WDR27: variants seen among roughly 807,000 people sequenced by gnomAD.
The protein encoded by WDR27 is WD repeat-containing protein 27.
In WDR27, 100 loss-of-function variants were observed where a neutral mutation model predicts 114.4. The ratio of observed to expected loss-of-function variants is 0.87; its 90% CI spans 0.74 to 1.03. WDR27 has a LOEUF of 1.03. Ranked by LOEUF, WDR27 falls within the 50% of genes least tolerant of loss-of-function variation. The pLI is 0.00. For synonymous variants in WDR27, 449 were observed against 423.1 expected (o/e 1.06, Z -0.75); for missense variants, 1,129 against 1,092.9 (o/e 1.03, Z -0.47).
At chr6:169,426,896 G>A in the WDR27 span, 1 of 148,138 alleles carries the variant, frequency 6.8e-6, no homozygotes, top group Non-Finnish European at 1.5e-5. Flanking sequence ...CGAGGGCAGG[G>A]GGCCGACAGA....
At chr6:169,685,572 T>A (rs1782691360) in intron 2 of WDR27, among the ~76,000 whole-genome samples, 1 of 151,994 alleles carries the variant, frequency 6.6e-6, no homozygotes, top group South Asian at 2.1e-4. Context: ...AAAAACATAA[T>A]TGAGAGCTTT....
At chr6:169,587,595 T>C (rs1015151084) in intron 23 of WDR27, among the ~76,000 whole-genome samples, 2 of 152,220 alleles carry the variant, frequency 1.3e-5, no homozygotes, top group Non-Finnish European at 2.9e-5. Context: ...TCCTGTTATC[T>C]TGAACTTTTT....
intron 18 of WDR27, among the ~76,000 whole-genome samples, chr6:169,638,000 C>T (rs1275388495): frequency 6.6e-6 from 1 of 152,212 alleles, no homozygotes; most frequent in Non-Finnish European, 1.5e-5. Context: ...TGTGTGTGAA[C>T]ATATACATGT....
chr6:169,674,817 G>A (rs546215087), intron 2 of WDR27, among the ~76,000 whole-genome samples: 21 of 152,280 alleles, frequency 1.4e-4, no homozygotes, highest in East Asian at 3.9e-4. Context: ...GGGTGCAGGC[G>A]GGCTGAGTCC....
chr6:169,431,828 G>A, the WDR27 span, among the ~76,000 whole-genome samples: 1 of 152,308 alleles, frequency 6.6e-6, no homozygotes, highest in African/African-American at 2.4e-5. Flanking sequence ...TAGAATTAAA[G>A]TAAAAGATTG....
intron 16 of WDR27, among the ~76,000 whole-genome samples, chr6:169,645,345 T>G (rs1198201032): frequency 6.6e-6 from 1 of 151,894 alleles, no homozygotes; most frequent in East Asian, 1.9e-4. Context: ...TAGAAATTCC[T>G]AGTTCACACG....
At chr6:169,551,914 T>TGA (rs1282790690) in intron 25 of WDR27, among the ~76,000 whole-genome samples, 1 of 152,210 alleles carries the variant, frequency 6.6e-6, no homozygotes, top group East Asian at 1.9e-4. Context: ...GCCTGCGTAC[T>TGA]GATAAAACTT....
the WDR27 span, among the ~76,000 whole-genome samples, chr6:169,448,906 G>C: frequency 2.0e-5 from 3 of 152,146 alleles, no homozygotes; most frequent in Non-Finnish European, 4.4e-5. Flanking sequence ...ACATTATCAC[G>C]GCAAGAGTGC....
At chr6:169,666,861 G>A (rs1323581138) in intron 6 of WDR27, 8 of 985,338 alleles carry the variant, frequency 8.1e-6, no homozygotes, top group Non-Finnish European at 8.4e-6. Context: ...TGGGTACTCA[G>A]GCATTTTATC....
chr6:169,697,911 GTCTT>G (rs1289251567), intron 1 of WDR27, among the ~76,000 whole-genome samples: 1 of 152,174 alleles, frequency 6.6e-6, no homozygotes, highest in Non-Finnish European at 1.5e-5. Flanking sequence ...TTTGTCTTGT[GTCTT>G]TATTTCTACA....
intron 25 of WDR27, among the ~76,000 whole-genome samples, chr6:169,462,261 A>G (rs1784996030): frequency 6.6e-6 from 1 of 152,108 alleles, no homozygotes; most frequent in Non-Finnish European, 1.5e-5. Context: ...CCTGGCCAAC[A>G]TGGTGAACCC....
At chr6:169,509,627 A>G (rs1244648388) in intron 25 of WDR27, among the ~76,000 whole-genome samples, 74 of 151,774 alleles carry the variant, frequency 4.9e-4, no homozygotes, top group Non-Finnish European at 8.7e-4. Context: ...ACAAAAATTA[A>G]TTCAAGATGG....
intron 22 of WDR27, among the ~76,000 whole-genome samples, chr6:169,606,793 T>C (rs960240673): frequency 6.6e-6 from 1 of 152,252 alleles, no homozygotes; most frequent in Admixed American, 6.5e-5. Flanking sequence ...TGTATCTTTA[T>C]AATAGAATGA....
At chr6:169,431,423 C>G in the WDR27 span, among the ~76,000 whole-genome samples, 2 of 152,154 alleles carry the variant, frequency 1.3e-5, no homozygotes, top group African/African-American at 4.8e-5. Flanking sequence ...ACACTTAGGG[C>G]TCTTTAGCCC....
chr6:169,602,483 T>C (rs530910665), intron 22 of WDR27, among the ~76,000 whole-genome samples, 162 bp from the exon 23 acceptor site: 85 of 152,370 alleles, frequency 5.6e-4, no homozygotes, highest in Middle Eastern at 6.8e-3. Flanking sequence ...TGGGTCTCTC[T>C]AGAGATATTT....
intron 25 of WDR27, among the ~76,000 whole-genome samples, chr6:169,544,203 A>C (rs1447156298): frequency 2.0e-5 from 3 of 152,136 alleles, no homozygotes; most frequent in Non-Finnish European, 4.4e-5. Context: ...GTCTACTCTC[A>C]CACTCTCAGT....
At chr6:169,686,765 TAAAGA>T (rs1783075926) in intron 2 of WDR27, among the ~76,000 whole-genome samples, 2 of 152,220 alleles carry the variant, frequency 1.3e-5, no homozygotes, top group Non-Finnish European at 2.9e-5. Context: ...GATAAATGGA[TAAAGA>T]AATTTGGTAC....
intron 21 of WDR27, among the ~76,000 whole-genome samples, chr6:169,618,731 G>A (rs1668870739): frequency 6.6e-6 from 1 of 151,218 alleles, no homozygotes; most frequent in African/African-American, 2.4e-5. Flanking sequence ...ATATGTTACT[G>A]GAAATACAGC....
intron 24 of WDR27, among the ~76,000 whole-genome samples, chr6:169,578,961 G>T (rs968190346): frequency 2.6e-5 from 4 of 152,096 alleles, no homozygotes; most frequent in African/African-American, 9.7e-5. Flanking sequence ...CTTATGTAAG[G>T]TCTCTCACCA....
Sources: gnomAD v4.1 joint callset for allele counts (sites outside exome capture counted in the v4.1 genomes callset) on GRCh38, gnomAD v4.1.1 for gene constraint, MANE v1.5 for transcripts, NCBI Gene and HGNC (gene_info 2026-07-23, HGNC 2026-07-21) for gene names.